Variants in RANBP2 observed in about 807,000 individuals in gnomAD.
The protein encoded by RANBP2 is E3 SUMO-protein ligase RanBP2.
Under a neutral mutation model 303.6 loss-of-function variants are expected in RANBP2, and 57 were observed. The ratio of observed to expected loss-of-function variants is 0.19; its 90% CI spans 0.15 to 0.23. The LOEUF is 0.23. Ranked by LOEUF, RANBP2 falls within the 10% of genes least tolerant of loss-of-function variation. The pLI, the probability that RANBP2 is intolerant of heterozygous loss-of-function variation, is 1.00. For synonymous variants in RANBP2, 1,167 were observed against 1,301.5 expected (o/e 0.90, Z 2.23); for missense variants, 3,138 against 3,780.8 (o/e 0.83, Z 4.46).
At chr2:109,349,474 C>G in the RANBP2 span, among the ~76,000 whole-genome samples, 2 of 152,128 alleles carry the variant, frequency 1.3e-5, no homozygotes, top group African/African-American at 4.8e-5. Flanking sequence ...ACACAGAAAC[C>G]CAACTTGCTT....
chr2:108,839,340 C>T, the RANBP2 span: 4 of 1,491,470 alleles, frequency 2.7e-6, no homozygotes, highest in African/African-American at 2.8e-5. Flanking sequence ...AGTAATACTC[C>T]ACCTAATATT....
At chr2:108,878,971 G>A in the RANBP2 span, among the ~76,000 whole-genome samples, 1 of 152,084 alleles carries the variant, frequency 6.6e-6, no homozygotes, top group Admixed American at 6.5e-5. Flanking sequence ...AGAATGACAG[G>A]AATGTGAACA....
At chr2:109,537,978 C>G in the RANBP2 span, among the ~76,000 whole-genome samples, 1 of 151,858 alleles carries the variant, frequency 6.6e-6, no homozygotes, top group East Asian at 1.9e-4. Context: ...CACACACACA[C>G]AAACACACAC....
chr2:109,722,396 G>C, the RANBP2 span, among the ~76,000 whole-genome samples: 1 of 152,174 alleles, frequency 6.6e-6, no homozygotes, highest in African/African-American at 2.4e-5. Flanking sequence ...ATAGCCCACA[G>C]CTCTCTAGTG....
the RANBP2 span, among the ~76,000 whole-genome samples, chr2:108,922,016 G>A: frequency 6.6e-6 from 1 of 152,238 alleles, no homozygotes; most frequent in Non-Finnish European, 1.5e-5. Flanking sequence ...GGACTCAGGG[G>A]ACTTTGCTTG....
chr2:109,097,070 C>T, the RANBP2 span, among the ~76,000 whole-genome samples: 1 of 152,108 alleles, frequency 6.6e-6, no homozygotes, highest in African/African-American at 2.4e-5. Context: ...CTTTCAGAGG[C>T]CGAGGTGGGC....
At chr2:108,720,716 A>G (rs1694166096) in intron 1 of RANBP2, among the ~76,000 whole-genome samples, 1 of 152,248 alleles carries the variant, frequency 6.6e-6, no homozygotes, top group Non-Finnish European at 1.5e-5. Context: ...ACATAGCACT[A>G]AATGTTAGCT....
chr2:109,074,839 G>A, the RANBP2 span, among the ~76,000 whole-genome samples: 1 of 149,028 alleles, frequency 6.7e-6, no homozygotes, highest in African/African-American at 2.4e-5. Context: ...TGGCCAACAT[G>A]GTGAAACCCC....
intron 28 of RANBP2, among the ~76,000 whole-genome samples, chr2:108,783,331 A>T (rs1018292162): frequency 9.0e-6 from 1 of 111,074 alleles, no homozygotes; most frequent in African/African-American, 3.8e-5. Flanking sequence ...ACAGCCTGTC[A>T]TTAAAAAAAA....
At chr2:109,292,182 G>A in the RANBP2 span, among the ~76,000 whole-genome samples, 2 of 152,192 alleles carry the variant, frequency 1.3e-5, no homozygotes, top group South Asian at 4.1e-4. Flanking sequence ...ATTTTTAAAT[G>A]TTTCTTTCTA....
the RANBP2 span, chr2:108,912,900 G>T: frequency 1.4e-6 from 1 of 736,658 alleles, no homozygotes; most frequent in Non-Finnish European, 2.4e-6. Flanking sequence ...CTAAATATTT[G>T]TATTTCTTAG....
At chr2:108,999,622 T>C in the RANBP2 span, among the ~76,000 whole-genome samples, 1 of 152,198 alleles carries the variant, frequency 6.6e-6, no homozygotes, top group South Asian at 2.1e-4. Context: ...AGATTCCTGG[T>C]AGGCTGAGGG....
chr2:108,981,334 C>A, the RANBP2 span, among the ~76,000 whole-genome samples: 1 of 152,214 alleles, frequency 6.6e-6, no homozygotes, highest in Non-Finnish European at 1.5e-5. Flanking sequence ...AGTCCAACCC[C>A]ACCAGGACCA....
chr2:108,910,809 C>T, the RANBP2 span: 51 of 1,613,820 alleles, frequency 3.2e-5, no homozygotes, highest in Non-Finnish European at 4.2e-5. Flanking sequence ...TCCTTGCTCA[C>T]TTGGGCCTCC....
chr2:109,643,549 C>T, the RANBP2 span, among the ~76,000 whole-genome samples: 2 of 151,560 alleles, frequency 1.3e-5, no homozygotes, highest in Non-Finnish European at 2.9e-5. Flanking sequence ...CACCTGAGAT[C>T]AGGAGTTTCA....
the RANBP2 span, among the ~76,000 whole-genome samples, chr2:108,923,049 C>T: frequency 2.6e-5 from 4 of 152,094 alleles, no homozygotes; most frequent in Non-Finnish European, 5.9e-5. Flanking sequence ...TCACAATGAC[C>T]GTGAGAGATG....
chr2:109,236,355 C>T, the RANBP2 span, among the ~76,000 whole-genome samples: 7 of 152,132 alleles, frequency 4.6e-5, no homozygotes, highest in East Asian at 3.9e-4. Flanking sequence ...AGTGTGCGAG[C>T]ATCCCAGTGA....
rs1412092896 is a variant in RANBP2 at position 108,767,999 on chromosome 2, A to T, written c.7460A>T (p.Asp2487Val). Residue 2487 changes from aspartate (D) to valine (V), a missense_variant, in exon 20 of 29, where the codon GAT becomes GTT. This residue lies in a region of RANBP2 where 497 missense variants were observed against 465.8 expected (regional missense o/e 1.07). Transcript: ENST00000283195. Reference protein sequence around the residue: ...RERTDVIQGDDVADATSEVEV... With the variant: ...RERTDVIQGDVVADATSEVEV... ...AGGACAGATGTTATTCAGGGTGATG[A>T]TGTAGCAGATGCAACTTCAGAAGTT... 3 of 1,611,968 alleles carry T rather than the reference A, an allele frequency of 1.9e-6. No individual in the cohort carries two copies. Among genetic ancestry groups the T allele is most frequent in the Non-Finnish European group, 2.5e-6 (3 of 1,179,830 alleles).
chr2:108,952,619 C>A, the RANBP2 span, among the ~76,000 whole-genome samples: 1 of 152,176 alleles, frequency 6.6e-6, no homozygotes, highest in East Asian at 1.9e-4. Context: ...TCATTAAATC[C>A]AACTTTTTCT....
Sources: allele counts gnomAD v4.1 joint callset (sites outside exome capture counted in the v4.1 genomes callset), GRCh38; gene constraint gnomAD v4.1.1; regional missense constraint gnomAD v4.1.1; transcripts MANE v1.5; gene names NCBI Gene and HGNC (gene_info 2026-07-23, HGNC 2026-07-21).